The following B3GALT1 variants were observed in gnomAD, a reference collection of about 807,000 sequenced individuals.
B3GALT1 encodes UDP-Gal:betaGlcNAc beta 1,3-galactosyltransferase, polypeptide 1.
In B3GALT1, 10 loss-of-function variants were observed where a neutral mutation model predicts 23.2. The observed-to-expected ratio is 0.43, with a 90% confidence interval of 0.27 to 0.73. The LOEUF is 0.73. B3GALT1 is among the 30% of genes least tolerant of loss of function. The pLI is 0.21. For synonymous variants in B3GALT1, 156 were observed against 141.5 expected (o/e 1.10, Z -0.73); for missense variants, 299 against 405.4 (o/e 0.74, Z 2.25).
chr2:167,784,773 A>C (rs1351322361), intron 3 of B3GALT1, among the ~76,000 whole-genome samples: 1 of 152,232 alleles, frequency 6.6e-6, no homozygotes, highest in Non-Finnish European at 1.5e-5. Context: ...CCAATATTCC[A>C]AGTATAATAT....
At chr2:167,695,980 G>A (rs75862326) in intron 3 of B3GALT1, among the ~76,000 whole-genome samples, 42,313 of 151,790 alleles carry the variant, frequency 0.28, 6,542 homozygotes, top group Non-Finnish European at 0.35. Flanking sequence ...CATCCCTTAG[G>A]TCATATTTCA....
chr2:167,518,527 A>G (rs1700136330), intron 2 of B3GALT1, among the ~76,000 whole-genome samples: 2 of 152,204 alleles, frequency 1.3e-5, no homozygotes, highest in East Asian at 1.9e-4. Context: ...TATTTGCTCT[A>G]TTTAGGTAAC....
At chr2:167,329,999 C>CT (rs1353504211) in intron 1 of B3GALT1, among the ~76,000 whole-genome samples, 1 of 151,940 alleles carries the variant, frequency 6.6e-6, no homozygotes, top group Non-Finnish European at 1.5e-5. Flanking sequence ...TGGAGAAGTC[C>CT]TTTTTTTGCC....
chr2:167,624,594 A>G (rs1424134818), intron 2 of B3GALT1, among the ~76,000 whole-genome samples: 1 of 152,096 alleles, frequency 6.6e-6, no homozygotes. Flanking sequence ...CTAGTTAACA[A>G]GAGCTAGAAT....
At chr2:167,550,982 C>T (rs1683733475) in intron 2 of B3GALT1, among the ~76,000 whole-genome samples, 1 of 152,128 alleles carries the variant, frequency 6.6e-6, no homozygotes. Flanking sequence ...ATCTAGTGAT[C>T]CTGCCATCCC....
chr2:167,383,603 G>A (rs1349289303), intron 1 of B3GALT1, among the ~76,000 whole-genome samples: 1 of 152,154 alleles, frequency 6.6e-6, no homozygotes. Context: ...CTCCTCCACT[G>A]AGATGGGATC....
intron 2 of B3GALT1, among the ~76,000 whole-genome samples, chr2:167,511,206 A>G (rs932987070): frequency 3.3e-5 from 5 of 152,196 alleles, no homozygotes; most frequent in African/African-American, 1.2e-4. Context: ...AATTAAAACG[A>G]TATGGAAAAT....
chr2:167,522,411 G>T (rs955224745), intron 2 of B3GALT1, among the ~76,000 whole-genome samples: 7 of 151,838 alleles, frequency 4.6e-5, no homozygotes, highest in Non-Finnish European at 5.9e-5. Context: ...TATTCCACTT[G>T]CACTTAAAAC....
chr2:167,543,494 C>T lies in B3GALT1; in HGVS notation c.-410+53217C>T, dbSNP rs185444930. Among the ~76,000 whole-genome samples the T allele has an allele frequency of 2.9e-3, 438 of 152,036 alleles. 9 individuals carry two copies. The highest frequency in any genetic ancestry group is 3.7e-4 in the Non-Finnish European group (25 of 67,968). On this transcript the variant is annotated intron_variant, in intron 2 of 4. Coordinates refer to ENST00000392690, the MANE Select transcript of B3GALT1 (RefSeq NM_020981.4). ...GGTAAATGTCAATATAAAAAGATGT[C>T]TGAAAAATATAAGAAAAATTATGAA...
chr2:167,547,174 A>G (rs967781916), intron 2 of B3GALT1, among the ~76,000 whole-genome samples: 7 of 152,194 alleles, frequency 4.6e-5, no homozygotes, highest in Non-Finnish European at 7.3e-5. Context: ...TGCTGCTGCT[A>G]CTACTAAAAC....
At chr2:167,568,407 G>T (rs994955076) in intron 2 of B3GALT1, among the ~76,000 whole-genome samples, 1 of 151,998 alleles carries the variant, frequency 6.6e-6, no homozygotes. Context: ...ATTTGATGTT[G>T]TCAGTGTTCT....
chr2:167,538,492 G>C (rs80041854), intron 2 of B3GALT1, among the ~76,000 whole-genome samples: 1 of 152,054 alleles, frequency 6.6e-6, no homozygotes, highest in Non-Finnish European at 1.5e-5. Context: ...TTAAGGGTGT[G>C]ATTTCAATCT....
rs1423254846 is a variant in B3GALT1, at chr2:167,401,653, G to A, written c.-510-88524G>A. Among the ~76,000 whole-genome samples, 9 of 152,220 alleles carry A rather than the reference G, an allele frequency of 5.9e-5. No individual in the cohort carries two copies. In the East Asian group the frequency reaches 1.7e-3, roughly 29 times the overall value. ...TCCCATAGAATTCTCTGTCACTTTT[G>A]TTTGGGATTAGAAGTCTCAGCTCTA... On this transcript the variant is annotated intron_variant, in intron 1 of 4. Transcript: ENST00000392690.
intron 3 of B3GALT1, among the ~76,000 whole-genome samples, chr2:167,659,774 G>A (rs1686023266): frequency 2.0e-5 from 3 of 151,994 alleles, no homozygotes; most frequent in African/African-American, 7.2e-5. Context: ...TGATATCCCT[G>A]CCAGATCACC....
At chr2:167,807,650 T>A (rs1243045226) in intron 3 of B3GALT1, among the ~76,000 whole-genome samples, 8 of 152,206 alleles carry the variant, frequency 5.3e-5, no homozygotes, top group Non-Finnish European at 1.0e-4. Flanking sequence ...AATCCTGAGT[T>A]CTAGTTTGAT....
intron 1 of B3GALT1, among the ~76,000 whole-genome samples, chr2:167,332,180 A>G (rs1395027341): frequency 6.6e-6 from 1 of 152,088 alleles, no homozygotes; most frequent in East Asian, 1.9e-4. Flanking sequence ...GGCTAGGATT[A>G]TAGGAGTCCA....
chr2:167,570,050 A>G (rs1018016589), intron 2 of B3GALT1, among the ~76,000 whole-genome samples: 32 of 151,852 alleles, frequency 2.1e-4, no homozygotes, highest in African/African-American at 7.5e-4. Flanking sequence ...CTTTACATAC[A>G]TTGTTGCATT....
At chr2:167,674,250 A>G (rs1194569013) in intron 3 of B3GALT1, among the ~76,000 whole-genome samples, 1 of 152,180 alleles carries the variant, frequency 6.6e-6, no homozygotes, top group Non-Finnish European at 1.5e-5. Context: ...AGAAATACCC[A>G]TTAGAGTTAT....
intron 1 of B3GALT1, among the ~76,000 whole-genome samples, chr2:167,354,054 C>T (rs1409959433): frequency 6.6e-6 from 1 of 152,216 alleles, no homozygotes; most frequent in Non-Finnish European, 1.5e-5. Flanking sequence ...CACACTGACT[C>T]ACCTGCGGGA....
Sources: gnomAD v4.1 joint callset for allele counts (sites outside exome capture counted in the v4.1 genomes callset) on GRCh38, gnomAD v4.1.1 for gene constraint, MANE v1.5 for transcripts, NCBI Gene and HGNC (gene_info 2026-07-23, HGNC 2026-07-21) for gene names.